The following HCN1 variants were observed in gnomAD, a reference collection of about 807,000 sequenced individuals.
The protein encoded by HCN1 is potassium/sodium hyperpolarization-activated cyclic nucleotide-gated channel 1.
In HCN1, 13 loss-of-function variants were observed where a neutral mutation model predicts 78.9. The observed-to-expected ratio is 0.16, with a 90% CI of 0.11 to 0.26. The LOEUF is 0.26. Ranked by LOEUF, HCN1 falls within the 10% of genes least tolerant of loss-of-function variation. The pLI is 1.00. For synonymous variants in HCN1, 552 were observed against 455.5 expected (o/e 1.21, Z -2.70); for missense variants, 810 against 1,154.3 (o/e 0.70, Z 4.32).
Position 45,484,166 on chromosome 5 carries a change from C to T in HCN1, c.850-22159G>A, listed in dbSNP as rs142231407. 2.0e-3 allele frequency among the ~76,000 whole-genome samples: 308 copies of T among 152,272 alleles called. 2 individuals carry two copies. Among genetic ancestry groups the T allele is most frequent in the African/African-American group, 7.1e-3 (295 of 41,556 alleles). Reference sequence around the variant, plus strand: ...CTAAAAACTTGGCCAGGCTCAGTGGCTCATGCCTGTAATCCCATCACTTTG... The same window carrying T: ...CTAAAAACTTGGCCAGGCTCAGTGGTTCATGCCTGTAATCCCATCACTTTG... On this transcript the variant is annotated intron_variant, in intron 2 of 7. Coordinates refer to ENST00000303230, the MANE Select transcript of HCN1 (RefSeq NM_021072.4).
chr5:45,435,140 A>G (rs1015503998), intron 3 of HCN1, among the ~76,000 whole-genome samples: 4 of 152,232 alleles, frequency 2.6e-5, no homozygotes, highest in South Asian at 4.1e-4. Context: ...TTTACAAAGC[A>G]TATCATCAAA....
intron 2 of HCN1, among the ~76,000 whole-genome samples, chr5:45,553,787 GT>G (rs1476143753): frequency 6.6e-6 from 1 of 151,682 alleles, no homozygotes; most frequent in African/African-American, 2.4e-5. Flanking sequence ...ATTTTTACTT[GT>G]TTTTTAATCC....
At chr5:45,666,439 T>C (rs1467113749) in intron 1 of HCN1, among the ~76,000 whole-genome samples, 1 of 152,046 alleles carries the variant, frequency 6.6e-6, no homozygotes, top group East Asian at 1.9e-4. Flanking sequence ...AACCGTGTCA[T>C]TGTTCTGTTA....
At chr5:45,348,530 T>A (rs4264951) in intron 5 of HCN1, among the ~76,000 whole-genome samples, 26,581 of 152,130 alleles carry the variant, frequency 0.17, 2,557 homozygotes, top group East Asian at 0.32. Context: ...TAACTTTAAA[T>A]GTAAATGGAC....
chr5:45,613,712 C>G (rs899646455), intron 2 of HCN1, among the ~76,000 whole-genome samples: 2 of 151,916 alleles, frequency 1.3e-5, no homozygotes, highest in Admixed American at 6.6e-5. Context: ...TTGGAACCAA[C>G]CCAAATGTCC....
At chr5:45,523,957 T>A (rs374138573) in intron 2 of HCN1, among the ~76,000 whole-genome samples, 2 of 152,270 alleles carry the variant, frequency 1.3e-5, no homozygotes, top group East Asian at 1.9e-4. Context: ...CTGAATGGTA[T>A]TGCCTAGGTT....
At chr5:45,540,326 AT>A (rs34797116) in intron 2 of HCN1, among the ~76,000 whole-genome samples, 54,181 of 143,410 alleles carry the variant, frequency 0.38, 9,955 homozygotes, top group African/African-American at 0.42. Context: ...TATTTTACTG[AT>A]TTTTTTTTTT....
intron 3 of HCN1, among the ~76,000 whole-genome samples, chr5:45,433,349 G>C (rs1356631148): frequency 6.6e-6 from 1 of 151,836 alleles, no homozygotes; most frequent in African/African-American, 2.4e-5. Flanking sequence ...TTATTGTGTG[G>C]AGATTTTGAT....
At position 45,516,023 on chromosome 5, in the gene HCN1, C is replaced by A. The variant is rs1451057354; in HGVS notation, c.850-54016G>T. ...TAATTCATGATTCTAAATTGAGAAA[C>A]CTCAAACAGCTATTTTTAATATCCC... On this transcript the variant is annotated intron_variant, in intron 2 of 7. Transcript: ENST00000303230. Among the ~76,000 whole-genome samples, 5 of 151,858 alleles carry A rather than the reference C, an allele frequency of 3.3e-5. No homozygotes were observed. In the South Asian group the frequency reaches 1.0e-3, roughly 31 times the overall value.
chr5:45,332,577 A>AT (rs1746366748), intron 5 of HCN1, among the ~76,000 whole-genome samples: 1 of 151,048 alleles, frequency 6.6e-6, no homozygotes, highest in Non-Finnish European at 1.5e-5. Context: ...AAGTGAAAAC[A>AT]TTTTTTTCTA....
At chr5:45,674,063 C>T (rs1277119583) in intron 1 of HCN1, among the ~76,000 whole-genome samples, 1 of 151,392 alleles carries the variant, frequency 6.6e-6, no homozygotes, top group African/African-American at 2.4e-5. Context: ...TTATTATACT[C>T]AGCTTTCCAT....
At chr5:45,484,111 C>T (rs1289925949) in intron 2 of HCN1, among the ~76,000 whole-genome samples, 3 of 151,906 alleles carry the variant, frequency 2.0e-5, no homozygotes, top group Admixed American at 2.0e-4. Flanking sequence ...TAAACAAATC[C>T]CCATTACATT....
At chr5:45,274,694 A>G (rs1258947566) in intron 6 of HCN1, among the ~76,000 whole-genome samples, 2 of 152,220 alleles carry the variant, frequency 1.3e-5, no homozygotes, top group South Asian at 2.1e-4. Flanking sequence ...ATATATAACT[A>G]TCATCTTTCA....
intron 1 of HCN1, among the ~76,000 whole-genome samples, chr5:45,683,350 C>G (rs1252643909): frequency 2.6e-5 from 4 of 151,866 alleles, no homozygotes; most frequent in Non-Finnish European, 4.4e-5. Flanking sequence ...ACTGATATAT[C>G]TTAATGTATT....
chr5:45,280,070 T>C (rs1326940713), intron 6 of HCN1, among the ~76,000 whole-genome samples: 1 of 152,072 alleles, frequency 6.6e-6, no homozygotes, highest in Non-Finnish European at 1.5e-5. Flanking sequence ...AAAATTCTAC[T>C]CATGTATTTC....
intron 2 of HCN1, among the ~76,000 whole-genome samples, chr5:45,626,683 G>T (rs1346530809): frequency 6.6e-6 from 1 of 152,022 alleles, no homozygotes; most frequent in East Asian, 1.9e-4. Context: ...TCAAAAAACA[G>T]AAATAAGTCT....
intron 2 of HCN1, among the ~76,000 whole-genome samples, chr5:45,630,501 C>A (rs946207648): frequency 1.3e-5 from 2 of 152,156 alleles, no homozygotes; most frequent in African/African-American, 4.8e-5. Context: ...CTAAAAATAT[C>A]ATGGTGTTGC....
At chr5:45,318,939 G>GT (rs1278797079) in intron 5 of HCN1, among the ~76,000 whole-genome samples, 4 of 151,916 alleles carry the variant, frequency 2.6e-5, no homozygotes, top group African/African-American at 9.7e-5. Context: ...CATAAATGAG[G>GT]TTGCATACTG....
chr5:45,668,063 C>G (rs901418838), intron 1 of HCN1, among the ~76,000 whole-genome samples: 2 of 151,960 alleles, frequency 1.3e-5, no homozygotes, highest in Admixed American at 6.6e-5. Flanking sequence ...TATGTAATGT[C>G]ATGCATCAGA....
Sources: allele counts gnomAD v4.1 joint callset (sites outside exome capture counted in the v4.1 genomes callset), GRCh38; gene constraint gnomAD v4.1.1; transcripts MANE v1.5; gene names NCBI Gene and HGNC (gene_info 2026-07-23, HGNC 2026-07-21).